PDE2A: variants seen among roughly 807,000 people sequenced by gnomAD.
PDE2A encodes the protein phosphodiesterase 2A.
A neutral mutation model predicts 133.6 loss-of-function variants in PDE2A; 53 were observed. That is an observed-to-expected ratio of 0.40 (90% CI 0.32 to 0.50). The LOEUF is 0.50. PDE2A is among the 20% of genes least tolerant of loss of function. The pLI is 0.73. For missense variants in PDE2A, 796 were observed against 1,232.4 expected (o/e 0.65, Z 5.30); for synonymous variants, 491 against 490.2 (o/e 1.00, Z -0.02).
At position 72,622,810 on chromosome 11, in the gene PDE2A, C is replaced by T. The variant is rs566685900; in HGVS notation, c.145-14059G>A. 2.1e-4 allele frequency among the ~76,000 whole-genome samples: 32 copies of T among 152,150 alleles called. No individual in the cohort carries two copies. The South Asian group carries it at 6.6e-3, about 32-fold the overall frequency. Reference sequence around the variant, plus strand: ...ATGTACCTACCACAACTGAACTGTACACTTAGAAATGGTTATGATGGTAAA... The same window carrying T: ...ATGTACCTACCACAACTGAACTGTATACTTAGAAATGGTTATGATGGTAAA... On this transcript the variant is annotated intron_variant, in intron 2 of 30. Transcript: ENST00000334456.
chr11:72,591,769 A>G (rs955189572), intron 6 of PDE2A, among the ~76,000 whole-genome samples: 3 of 152,108 alleles, frequency 2.0e-5, no homozygotes, highest in Admixed American at 6.5e-5. Context: ...AGCTGCCCCT[A>G]AGTCTTGGAT....
chr11:72,613,789 CAG>C (rs967802625), intron 2 of PDE2A, among the ~76,000 whole-genome samples: 8 of 152,168 alleles, frequency 5.3e-5, no homozygotes, highest in South Asian at 2.1e-4. Flanking sequence ...AGAGGGGAAA[CAG>C]GGGGTGCCAG....
chr11:72,613,560 G>C (rs1349778401), intron 2 of PDE2A, among the ~76,000 whole-genome samples: 1 of 151,786 alleles, frequency 6.6e-6, no homozygotes, highest in Non-Finnish European at 1.5e-5. Flanking sequence ...TTCCTCTCCA[G>C]GAGTCTTGAC....
At chr11:72,586,017 G>C in intron 14 of PDE2A, 53 bp downstream of exon 14, 2 of 1,051,290 alleles carry the variant, frequency 1.9e-6, no homozygotes, top group Non-Finnish European at 2.9e-6. Context: ...GGCTCTCGGG[G>C]CTGAAAACTG....
At chr11:72,634,653 T>C (rs1331112793) in intron 2 of PDE2A, among the ~76,000 whole-genome samples, 1 of 152,174 alleles carries the variant, frequency 6.6e-6, no homozygotes, top group Admixed American at 6.5e-5. Flanking sequence ...TGCCAAGGCA[T>C]AAGAAGGACT....
intron 4 of PDE2A, chr11:72,598,951 G>A (rs1237603734): frequency 2.1e-5 from 21 of 985,284 alleles, no homozygotes; most frequent in Non-Finnish European, 2.3e-5. Context: ...CCGGGAAGGA[G>A]AGGGACGTAG....
At chr11:72,631,201 T>A in intron 2 of PDE2A, 1 of 1,354,530 alleles carries the variant, frequency 7.4e-7, no homozygotes, top group Non-Finnish European at 1.0e-6. Flanking sequence ...CTCCCCAGAC[T>A]GTCCTCCCAT....
In PDE2A at chr11:72,668,168, A is replaced by T. The variant is rs185311502; in HGVS notation, c.71+5969T>A. On this transcript the variant is annotated intron_variant, in intron 1 of 30. Transcript: ENST00000334456. ...TCTGCTCAGCTGTTCCTCTGCCGAG[A>T]TGTCTCACATCCAACTTTAGTTGTC... is the stretch of plus-strand genomic sequence containing the variant. 4.4e-5 allele frequency: 31 copies of T among 705,496 alleles called. 1 individual carries two copies. The African/African-American group carries it at 5.1e-4, about 12-fold the overall frequency. The allele number at this position is 705,496 out of a possible 1,614,324, so 43.7% of individuals were successfully genotyped here.
intron 1 of PDE2A, among the ~76,000 whole-genome samples, chr11:72,654,995 G>A (rs1854852200): frequency 6.6e-6 from 1 of 152,146 alleles, no homozygotes; most frequent in East Asian, 1.9e-4. Flanking sequence ...CTGGGAACTG[G>A]GAGTTTGATT....
rs1855812658 is a variant in PDE2A at position 72,583,422 on chromosome 11, T to C, written c.1728+16A>G. The C allele has an allele frequency of 1.9e-6, 3 of 1,577,142 alleles. No individual in the cohort carries two copies. On this transcript the variant is annotated intron_variant, in intron 20 of 30. Transcript: ENST00000334456. ...GGGAATCTGGGAGGAGGACCAGAGG[T>C]CTCTGCAAGCCTCACCTTCATGTGG...
intron 2 of PDE2A, among the ~76,000 whole-genome samples, chr11:72,634,267 C>A (rs899036798): frequency 2.6e-5 from 4 of 152,068 alleles, no homozygotes; most frequent in Non-Finnish European, 5.9e-5. Flanking sequence ...GACAATGGAG[C>A]CTTGTGGAGG....
rs897546850 is a variant in PDE2A, at chr11:72,579,623, G to A, written c.2182-15C>T. 2 of 1,598,488 alleles carry A rather than the reference G, an allele frequency of 1.3e-6. No homozygotes were observed. Among genetic ancestry groups the A allele is most frequent in the African/African-American group, 2.7e-5 (2 of 74,710 alleles). ...AAGTGGTGCCTCTGGGGGGAGAGGA[G>A]TGATGGGGGCCCAGCTGGGGCAGAT... On this transcript the variant is annotated splice_polypyrimidine_tract_variant and intron_variant, in intron 25 of 30. Coordinates refer to ENST00000334456, the MANE Select transcript of PDE2A (RefSeq NM_002599.5).
chr11:72,610,287 G>A (rs1857148058), intron 2 of PDE2A, among the ~76,000 whole-genome samples: 2 of 152,128 alleles, frequency 1.3e-5, no homozygotes, highest in Admixed American at 1.3e-4. Context: ...TGGGCTGAAG[G>A]ACCTTCTTCC....
rs748752539 is a variant in PDE2A, at chr11:72,578,197, G to A, written c.2615+36C>T. 3.0e-6 allele frequency: 4 copies of A among 1,316,304 alleles called. No individual in the cohort carries two copies. The highest frequency in any genetic ancestry group is 4.4e-6 in the Non-Finnish European group (4 of 907,954). The allele number at this position is 1,316,304 out of a possible 1,614,324, so 81.5% of individuals were successfully genotyped here. On this transcript the variant is annotated intron_variant, in intron 30 of 30. Coordinates refer to ENST00000334456, the MANE Select transcript of PDE2A (RefSeq NM_002599.5). The surrounding 1 kb of genome is among the most constrained non-coding windows in gnomAD (Gnocchi z 4.2). ...GTCCCCACTCCAGCCTACCCTCTCT[G>A]TGCAGGGTGCAGCTTGTCCCCATGA...
intron 18 of PDE2A, 66 bp from the exon 19 acceptor site, chr11:72,584,379 G>A: frequency 1.6e-6 from 2 of 1,263,546 alleles, no homozygotes; most frequent in South Asian, 1.2e-5. Flanking sequence ...GAGGGATCCG[G>A]CCGGGACCTG....
At chr11:72,640,843 C>A (rs1443014940) in intron 2 of PDE2A, among the ~76,000 whole-genome samples, 2 of 152,174 alleles carry the variant, frequency 1.3e-5, no homozygotes, top group Non-Finnish European at 2.9e-5. Flanking sequence ...TCTCTACACA[C>A]ACAACAGCCA....
chr11:72,642,457 G>C (rs1414838582), intron 1 of PDE2A, 131 bp from the exon 2 acceptor site: 21 of 1,051,180 alleles, frequency 2.0e-5, no homozygotes, highest in Non-Finnish European at 2.4e-5. Flanking sequence ...TGGTCCGCCC[G>C]AGTGTCCGCC....
intron 2 of PDE2A, among the ~76,000 whole-genome samples, chr11:72,616,667 G>C (rs1374215017): frequency 1.3e-5 from 2 of 152,208 alleles, no homozygotes; most frequent in Non-Finnish European, 2.9e-5. Context: ...CCTGAGGAAT[G>C]GGGTGTCTCC....
chr11:72,625,586 G>A (rs188794360), intron 2 of PDE2A, among the ~76,000 whole-genome samples: 12 of 152,314 alleles, frequency 7.9e-5, no homozygotes, highest in Admixed American at 2.0e-4. Flanking sequence ...GGGACACCAG[G>A]CTGGAGGCCG....
Sources: gnomAD v4.1 joint callset for allele counts (sites outside exome capture counted in the v4.1 genomes callset) on GRCh38, gnomAD v4.1.1 for gene constraint, Gnocchi (gnomAD v3.1) non-coding constraint, MANE v1.5 for transcripts, NCBI Gene and HGNC (gene_info 2026-07-23, HGNC 2026-07-21) for gene names.